Variants in EPS15 observed in about 807,000 individuals in gnomAD.
EPS15 encodes epidermal growth factor receptor pathway substrate 15, also known as epidermal growth factor receptor substrate 15.
A neutral mutation model predicts 113.8 loss-of-function variants in EPS15; 72 were observed. The ratio of observed to expected loss-of-function variants is 0.63; its 90% CI spans 0.52 to 0.77. The LOEUF (loss-of-function observed/expected upper bound fraction) is 0.77, where lower values mean the gene tolerates loss of function less well. Ranked by LOEUF, EPS15 falls within the 30% of genes least tolerant of loss-of-function variation. The probability of loss-of-function intolerance (pLI) is 0.00; values close to 1 mark genes in which losing one functional copy is unlikely to be tolerated. For missense variants in EPS15, 1,048 were observed against 1,045.8 expected, an observed-to-expected ratio of 1.00 and a Z score of -0.03; for synonymous variants, 344 against 363.4, an observed-to-expected ratio of 0.95 and a Z score of 0.61.
intron 8 of EPS15, among the ~76,000 whole-genome samples, chr1:51,449,425 T>C (rs1021460894): frequency 3.9e-5 from 6 of 151,996 alleles, no homozygotes; most frequent in African/African-American, 1.4e-4. Flanking sequence ...ACAACAGACA[T>C]GGGGCCAATG....
At chr1:51,417,218 G>A (rs1650309561) in intron 13 of EPS15, among the ~76,000 whole-genome samples, 1 of 151,968 alleles carries the variant, frequency 6.6e-6, no homozygotes, top group African/African-American at 2.4e-5. Flanking sequence ...TAAAAAACAT[G>A]GACAAGTACT....
chr1:51,443,087 C>T (rs1310627580), intron 11 of EPS15, among the ~76,000 whole-genome samples: 1 of 152,076 alleles, frequency 6.6e-6, no homozygotes, highest in Non-Finnish European at 1.5e-5. Context: ...ATTCCCATTT[C>T]AATGAATAAT....
intron 8 of EPS15, among the ~76,000 whole-genome samples, chr1:51,460,511 G>C (rs908227563): frequency 3.3e-5 from 5 of 152,126 alleles, no homozygotes; most frequent in Non-Finnish European, 7.3e-5. Flanking sequence ...AAGATACCTG[G>C]TCAGGTTGTG....
intron 1 of EPS15, among the ~76,000 whole-genome samples, chr1:51,504,750 A>C (rs1406338680): frequency 6.6e-6 from 1 of 152,222 alleles, no homozygotes; most frequent in Non-Finnish European, 1.5e-5. Context: ...TCAGCTAATA[A>C]CAATTACTGG....
At chr1:51,488,486 A>AAAAAAAAAAAAAAAAAC (rs1557517789) in intron 1 of EPS15, among the ~76,000 whole-genome samples, 1 of 150,568 alleles carries the variant, frequency 6.6e-6, no homozygotes, top group African/African-American at 2.4e-5. Flanking sequence ...AAAAAAAAAA[A>AAAAAAAAAAAAAAAAAC]AAAAAAAAAA....
chr1:51,437,566 T>A (rs965841275), intron 12 of EPS15, among the ~76,000 whole-genome samples: 3 of 149,772 alleles, frequency 2.0e-5, no homozygotes, highest in African/African-American at 7.4e-5. Flanking sequence ...CACTGCAACC[T>A]CTGCCTCCCA....
chr1:51,492,499 A>C (rs1644252623), intron 1 of EPS15, among the ~76,000 whole-genome samples: 1 of 152,252 alleles, frequency 6.6e-6, no homozygotes. Flanking sequence ...TCAAAGAGAT[A>C]GTACAGAAAA....
intron 8 of EPS15, chr1:51,458,793 G>A (rs1654214947): frequency 4.7e-6 from 1 of 212,124 alleles, no homozygotes; most frequent in Non-Finnish European, 9.9e-6. Context: ...ATCGTACCAT[G>A]CAAAGATTTT....
chr1:51,363,902 T>C lies in EPS15; in HGVS notation c.2323A>G (p.Ile775Val), dbSNP rs1423432771. Reference sequence around the variant, plus strand: ...GGGCAGGGTCTTGTTGGAGTTCCGATCTTTGGTGGCAGTGCTGGGGGTTCA... The same window carrying C: ...GGGCAGGGTCTTGTTGGAGTTCCGACCTTTGGTGGCAGTGCTGGGGGTTCA... Reference protein sequence around the residue: ...EDEPPALPPKIGTPTRPCPLP... With the variant: ...EDEPPALPPKVGTPTRPCPLP... Residue 775 changes from isoleucine (I) to valine (V), a missense_variant, in exon 23 of 25, where the codon ATC becomes GTC. Ile to Val is a conservative substitution (Grantham distance 29). Transcript: ENST00000371733. 1 of 1,613,272 alleles carries C rather than the reference T, an allele frequency of 6.2e-7. No homozygotes were observed. Among genetic ancestry groups the C allele is most frequent in the Non-Finnish European group, 8.5e-7 (1 of 1,179,540 alleles).
intron 21 of EPS15, among the ~76,000 whole-genome samples, chr1:51,380,407 T>C (rs999732550): frequency 6.6e-6 from 1 of 152,206 alleles, no homozygotes; most frequent in African/African-American, 2.4e-5. Flanking sequence ...AAGTAAATTG[T>C]GACTTTCAAC....
chr1:51,423,397 C>A (rs1270044169), intron 12 of EPS15: 6 of 1,092,320 alleles, frequency 5.5e-6, no homozygotes, highest in Non-Finnish European at 6.8e-6. Context: ...GGAAAAATTT[C>A]TGAAAATACC....
Position 51,423,209 on chromosome 1 carries a change from G to A in EPS15, c.1041-1351C>T, listed in dbSNP as rs912941027. 27 of 1,288,530 alleles carry A rather than the reference G, an allele frequency of 2.1e-5. No homozygotes were observed. In the African/African-American group the frequency reaches 3.0e-4, roughly 15 times the overall value. The allele number at this position is 1,288,530 out of a possible 1,614,324, so 79.8% of individuals were successfully genotyped here. On this transcript the variant is annotated intron_variant, in intron 12 of 24. Transcript: ENST00000371733. ...GAGATGGCCAAGGAGCTCACTAACCGTTTGTCAGATGGGTCGCAATGTGGG... is the reference window on the plus strand; with the variant it reads ...GAGATGGCCAAGGAGCTCACTAACCATTTGTCAGATGGGTCGCAATGTGGG...
intron 22 of EPS15, among the ~76,000 whole-genome samples, chr1:51,365,462 C>G (rs1220606304): frequency 2.0e-5 from 3 of 152,230 alleles, no homozygotes; most frequent in African/African-American, 7.2e-5. Flanking sequence ...TCCTCCTTTT[C>G]TCTTAGCCCG....
chr1:51,376,656 T>C (rs1424991352), intron 21 of EPS15, among the ~76,000 whole-genome samples: 1 of 151,926 alleles, frequency 6.6e-6, no homozygotes, highest in African/African-American at 2.4e-5. Context: ...AGAGGGAGAC[T>C]GTCTCAAAAC....
At chr1:51,478,278 CCT>C (rs1030716586) in intron 2 of EPS15, among the ~76,000 whole-genome samples, 2 of 152,182 alleles carry the variant, frequency 1.3e-5, no homozygotes, top group African/African-American at 4.8e-5. Context: ...GATTGCAACC[CCT>C]GCTTTTTTTT....
At position 51,488,483 on chromosome 1, in the gene EPS15, A is replaced by AC. The variant is rs1271188829; in HGVS notation, c.34-7170_34-7169insG. Reference sequence around the variant, plus strand: ...CCAATAAAGTTTTGTAAAAAAAAAAAAAAAAAAAAAAAACTCAGACTTTGT... The same window carrying AC: ...CCAATAAAGTTTTGTAAAAAAAAAAACAAAAAAAAAAAAACTCAGACTTTGT... On this transcript the variant is annotated intron_variant, in intron 1 of 24. Coordinates refer to ENST00000371733, the MANE Select transcript of EPS15 (RefSeq NM_001981.3). Among the ~76,000 whole-genome samples the AC allele has an allele frequency of 7.3e-3, 1,096 of 150,712 alleles. 7 individuals are homozygous for AC. Among genetic ancestry groups the AC allele is most frequent in the African/African-American group, 0.026 (1,053 of 41,158 alleles).
In EPS15 at chr1:51,496,952, G is replaced by T. The variant is rs555636244; in HGVS notation, c.34-15638C>A. Among the ~76,000 whole-genome samples, 159 of 152,194 alleles carry T rather than the reference G, an allele frequency of 1.0e-3. 1 individual carries two copies. The highest frequency in any genetic ancestry group is 3.7e-3 in the African/African-American group (154 of 41,530). On this transcript the variant is annotated intron_variant, in intron 1 of 24. Coordinates refer to ENST00000371733, the MANE Select transcript of EPS15 (RefSeq NM_001981.3). ...GTTCTAGAATTTTTTTCAGTGCCCT[G>T]TACCCTGAATGGTGCTTGACACATA...
At chr1:51,417,786 A>C (rs573439904) in intron 13 of EPS15, among the ~76,000 whole-genome samples, 95 of 152,218 alleles carry the variant, frequency 6.2e-4, no homozygotes, top group Non-Finnish European at 1.2e-3. Context: ...AAAAGTTATA[A>C]AAGTGGGAAT....
At chr1:51,400,998 T>C (rs1381759476) in intron 18 of EPS15, 45 bp from the exon 19 acceptor site, 2 of 1,282,406 alleles carry the variant, frequency 1.6e-6, no homozygotes, top group African/African-American at 3.0e-5. Flanking sequence ...CAATATTTAC[T>C]GTGGTGACAC....
Sources: allele counts gnomAD v4.1 joint callset (sites outside exome capture counted in the v4.1 genomes callset), GRCh38; gene constraint gnomAD v4.1.1; transcripts MANE v1.5; gene names NCBI Gene and HGNC (gene_info 2026-07-23, HGNC 2026-07-21).